KCNIP4: variants seen among roughly 807,000 people sequenced by gnomAD.
The protein encoded by KCNIP4 is potassium voltage-gated channel interacting protein 4, also known as Kv channel-interacting protein 4.
Under a neutral mutation model 34.0 loss-of-function variants are expected in KCNIP4, and 12 were observed. The observed-to-expected ratio is 0.35, with a 90% CI of 0.23 to 0.57. KCNIP4 has a LOEUF of 0.57. Ranked by LOEUF, KCNIP4 falls within the 20% of genes least tolerant of loss-of-function variation. KCNIP4 has a pLI of 0.83. For missense variants in KCNIP4, 238 were observed against 311.7 expected (o/e 0.76, Z 1.78); for synonymous variants, 124 against 102.2 (o/e 1.21, Z -1.29).
In KCNIP4 at chr4:21,040,259, T is replaced by C. The variant is rs188843606; in HGVS notation, c.62-157550A>G. 3.2e-3 allele frequency among the ~76,000 whole-genome samples: 487 copies of C among 152,302 alleles called. 6 individuals carry two copies. Among genetic ancestry groups the C allele is most frequent in the Admixed American group, 1.4e-3 (21 of 15,296 alleles). On this transcript the variant is annotated intron_variant, in intron 1 of 8. Coordinates refer to ENST00000382152, the MANE Select transcript of KCNIP4 (RefSeq NM_025221.6). ...GAAATAAGTAGCTCAAAGGAAAGCCTATTTTTTTCCTTTTGAAACTGAAGC... is the reference window on the plus strand; with the variant it reads ...GAAATAAGTAGCTCAAAGGAAAGCCCATTTTTTTCCTTTTGAAACTGAAGC...
intron 1 of KCNIP4, among the ~76,000 whole-genome samples, chr4:21,083,785 C>T (rs1746199059): frequency 6.6e-6 from 1 of 151,918 alleles, no homozygotes; most frequent in Non-Finnish European, 1.5e-5. Context: ...GTGGTAGTTT[C>T]TTACAATAGT....
At chr4:21,767,535 G>A (rs547080773) in intron 1 of KCNIP4, among the ~76,000 whole-genome samples, 1 of 152,010 alleles carries the variant, frequency 6.6e-6, no homozygotes, top group East Asian at 1.9e-4. Flanking sequence ...ATACTTTTAG[G>A]TTCTATGACC....
chr4:21,630,881 C>T (rs1467139292), intron 1 of KCNIP4, among the ~76,000 whole-genome samples: 1 of 152,130 alleles, frequency 6.6e-6, no homozygotes, highest in Non-Finnish European at 1.5e-5. Context: ...TTGCTACTCT[C>T]CTCACACCTA....
chr4:20,775,443 G>A (rs1216736775), intron 3 of KCNIP4, among the ~76,000 whole-genome samples: 1 of 151,084 alleles, frequency 6.6e-6, no homozygotes, highest in East Asian at 2.0e-4. Flanking sequence ...GTTCATGCCT[G>A]TAATCCCAGC....
intron 1 of KCNIP4, among the ~76,000 whole-genome samples, chr4:21,706,561 T>C (rs1042937150): frequency 1.4e-4 from 22 of 152,150 alleles, no homozygotes; most frequent in African/African-American, 4.8e-4. Context: ...AGTCCAAATA[T>C]ATGAAATCTT....
At chr4:21,682,084 G>T (rs1179112360) in intron 1 of KCNIP4, among the ~76,000 whole-genome samples, 1 of 151,894 alleles carries the variant, frequency 6.6e-6, no homozygotes, top group African/African-American at 2.4e-5. Context: ...TAGAGACAGG[G>T]TTTCACCATG....
intron 1 of KCNIP4, among the ~76,000 whole-genome samples, chr4:21,519,530 G>GTATATATACACATATGTGTGTGTA (rs1560479910): frequency 2.1e-4 from 8 of 38,332 alleles, no homozygotes; most frequent in Admixed American, 3.3e-4. Flanking sequence ...ATGTGTGTAT[G>GTATATATACACATATGTGTGTGTA]TGTATGTGTA....
chr4:21,869,625 C>T (rs1209280627), intron 1 of KCNIP4, among the ~76,000 whole-genome samples: 1 of 152,002 alleles, frequency 6.6e-6, no homozygotes, highest in Non-Finnish European at 1.5e-5. Flanking sequence ...TCTTTTCGTT[C>T]TCTCTTATGT....
intron 1 of KCNIP4, among the ~76,000 whole-genome samples, chr4:21,690,010 C>T (rs1231389298): frequency 1.3e-5 from 2 of 151,332 alleles, no homozygotes; most frequent in South Asian, 2.1e-4. Flanking sequence ...AAATAAATAA[C>T]GTTAAGCATA....
intron 1 of KCNIP4, among the ~76,000 whole-genome samples, chr4:20,913,712 T>C (rs896055591): frequency 1.2e-4 from 18 of 152,224 alleles, no homozygotes; most frequent in Non-Finnish European, 2.9e-5. Flanking sequence ...AATGTCTTTC[T>C]TAAAATTCCT....
chr4:21,558,449 G>A (rs562871841), intron 1 of KCNIP4, among the ~76,000 whole-genome samples: 13 of 150,486 alleles, frequency 8.6e-5, no homozygotes, highest in African/African-American at 2.4e-4. Flanking sequence ...CTGAGCTCAC[G>A]CCACTACACT....
At chr4:20,837,682 A>ATTTT (rs575948773) in intron 3 of KCNIP4, among the ~76,000 whole-genome samples, 31 of 109,710 alleles carry the variant, frequency 2.8e-4, no homozygotes, top group African/African-American at 4.6e-4. Context: ...ATATATATAT[A>ATTTT]TATATTTTTT....
chr4:21,869,852 A>G (rs148952220), intron 1 of KCNIP4, among the ~76,000 whole-genome samples: 12 of 152,260 alleles, frequency 7.9e-5, no homozygotes, highest in African/African-American at 2.9e-4. Flanking sequence ...TACAACACAC[A>G]TACAACACAC....
chr4:21,747,189 C>A (rs1035015961), intron 1 of KCNIP4, among the ~76,000 whole-genome samples: 13 of 152,078 alleles, frequency 8.5e-5, no homozygotes, highest in African/African-American at 2.7e-4. Flanking sequence ...AAACCCAACC[C>A]ATTTATGCCC....
chr4:21,197,087 C>A (rs1000697304), intron 1 of KCNIP4, among the ~76,000 whole-genome samples: 1 of 152,078 alleles, frequency 6.6e-6, no homozygotes, highest in Non-Finnish European at 1.5e-5. Flanking sequence ...CAAGATCTAA[C>A]AGAGATGTAT....
intron 1 of KCNIP4, among the ~76,000 whole-genome samples, chr4:21,943,763 T>C (rs1730332788): frequency 6.6e-6 from 1 of 152,052 alleles, no homozygotes. Context: ...TAAATTTAGT[T>C]GGTTTTGAGT....
chr4:21,115,676 A>C (rs1749617987), intron 1 of KCNIP4, among the ~76,000 whole-genome samples: 1 of 152,206 alleles, frequency 6.6e-6, no homozygotes, highest in African/African-American at 2.4e-5. Context: ...ACAGATCAAT[A>C]ATGATAAATT....
intron 3 of KCNIP4, among the ~76,000 whole-genome samples, chr4:20,841,181 T>C (rs13102410): frequency 0.18 from 27,192 of 152,182 alleles, 2,589 homozygotes; most frequent in South Asian, 0.39. Flanking sequence ...TGGAAAGAAC[T>C]AAAAAGAAGA....
intron 1 of KCNIP4, among the ~76,000 whole-genome samples, chr4:21,336,848 C>T (rs1451433345): frequency 6.6e-6 from 1 of 152,104 alleles, no homozygotes; most frequent in African/African-American, 2.4e-5. Flanking sequence ...GCTTATAAGA[C>T]TGGAGGAGAT....
Sources: allele counts gnomAD v4.1 joint callset (sites outside exome capture counted in the v4.1 genomes callset), GRCh38; gene constraint gnomAD v4.1.1; transcripts MANE v1.5; gene names NCBI Gene and HGNC (gene_info 2026-07-23, HGNC 2026-07-21).